Variants in NRG1 observed in about 807,000 individuals in gnomAD.
NRG1 encodes pro-neuregulin-1, membrane-bound isoform.
In NRG1, 18 loss-of-function variants were observed where a neutral mutation model predicts 63.8. That is an observed-to-expected ratio of 0.28 (90% CI 0.19 to 0.42). The LOEUF (loss-of-function observed/expected upper bound fraction) is 0.42. NRG1 is among the 10% of genes least tolerant of loss of function. The pLI, the probability that NRG1 is intolerant of heterozygous loss-of-function variation, is 1.00. For synonymous variants in NRG1, 302 were observed against 301.3 expected, an observed-to-expected ratio of 1.00 and a Z score of -0.02; for missense variants, 762 against 814.7, an observed-to-expected ratio of 0.94 and a Z score of 0.79.
At chr8:32,647,709 G>A in intron 5 of NRG1, 1 of 1,544,012 alleles carries the variant, frequency 6.5e-7, no homozygotes, top group Non-Finnish European at 8.7e-7. Context: ...TTCTTCTGGA[G>A]GTGAGCCGAT....
intron 1 of NRG1, among the ~76,000 whole-genome samples, chr8:31,882,094 T>C (rs1830389181): frequency 6.6e-6 from 1 of 152,050 alleles, no homozygotes; most frequent in Non-Finnish European, 1.5e-5. Flanking sequence ...AATAAGGAAA[T>C]GACTGACTTC....
intron 1 of NRG1, among the ~76,000 whole-genome samples, chr8:32,340,005 T>G (rs556173965): frequency 1.3e-5 from 2 of 152,242 alleles, no homozygotes; most frequent in South Asian, 4.1e-4. Context: ...GCAAGATAAC[T>G]TGACTTTCTC....
At chr8:32,491,821 T>C (rs913273745) in intron 1 of NRG1, among the ~76,000 whole-genome samples, 3 of 152,200 alleles carry the variant, frequency 2.0e-5, no homozygotes, top group Non-Finnish European at 1.5e-5. Context: ...TTGAGGTTTG[T>C]GAGGCCAAAG....
At chr8:32,159,910 A>G (rs1585735166) in intron 1 of NRG1, among the ~76,000 whole-genome samples, 1 of 152,172 alleles carries the variant, frequency 6.6e-6, no homozygotes, top group East Asian at 1.9e-4. Context: ...TGGCTAACAC[A>G]TTAGGTATTC....
chr8:32,504,003 T>G (rs1199241235), intron 1 of NRG1, among the ~76,000 whole-genome samples: 1 of 152,224 alleles, frequency 6.6e-6, no homozygotes, highest in Non-Finnish European at 1.5e-5. Context: ...ACAGTGTGTT[T>G]ACTGGACGTG....
chr8:31,640,055 C>T lies in NRG1; in HGVS notation c.37+624C>T. 2 of 1,141,892 alleles carry T rather than the reference C, an allele frequency of 1.8e-6. No individual in the cohort carries two copies. The highest frequency in any genetic ancestry group is 4.4e-5 in the East Asian group (1 of 22,824). 70.7% of individuals were successfully genotyped at this position (1,141,892 alleles called of 1,614,324 possible). A position where few individuals can be genotyped will look rare whatever the true frequency, so the allele number is the denominator to read the frequency against. On this transcript the variant is annotated intron_variant, in intron 1 of 10. Transcript: ENST00000519301. The surrounding 1 kb of genome is among the most constrained non-coding windows in gnomAD (Gnocchi z 6.3). Reference sequence around the variant, plus strand: ...CGGGCCCAGCGCCCCGGCTCCGCCGCCCGCTCGTCGCCGCCGCTGCCGCTG... The same window carrying T: ...CGGGCCCAGCGCCCCGGCTCCGCCGTCCGCTCGTCGCCGCCGCTGCCGCTG...
At chr8:31,859,140 A>G (rs773237956) in intron 1 of NRG1, among the ~76,000 whole-genome samples, 4 of 152,210 alleles carry the variant, frequency 2.6e-5, no homozygotes, top group South Asian at 4.1e-4. Flanking sequence ...TAAAACCGCA[A>G]TTACTTTTGC....
intron 1 of NRG1, among the ~76,000 whole-genome samples, chr8:32,003,308 C>G (rs939480849): frequency 6.6e-6 from 1 of 152,018 alleles, no homozygotes; most frequent in East Asian, 1.9e-4. Flanking sequence ...AGTAATTTGA[C>G]CTGAACAGCA....
At chr8:31,662,663 A>T (rs1806114221) in intron 1 of NRG1, among the ~76,000 whole-genome samples, 1 of 152,174 alleles carries the variant, frequency 6.6e-6, no homozygotes, top group African/African-American at 2.4e-5. Context: ...TACCAACTTA[A>T]TAGGTGCTAG....
chr8:31,913,983 G>T (rs956517743), intron 1 of NRG1, among the ~76,000 whole-genome samples: 1 of 152,050 alleles, frequency 6.6e-6, no homozygotes, highest in Non-Finnish European at 1.5e-5. Flanking sequence ...AACCCAAATC[G>T]AGCAGTACAT....
chr8:31,806,508 T>A (rs995477358), intron 1 of NRG1, among the ~76,000 whole-genome samples: 3 of 152,184 alleles, frequency 2.0e-5, no homozygotes, highest in African/African-American at 7.2e-5. Context: ...TGTAGAATAA[T>A]TACTTCTGCT....
chr8:32,306,432 T>C (rs1031935264), intron 1 of NRG1, among the ~76,000 whole-genome samples: 1 of 152,218 alleles, frequency 6.6e-6, no homozygotes, highest in African/African-American at 2.4e-5. Flanking sequence ...ATCAGAACTT[T>C]CTTCTTGAGT....
intron 7 of NRG1, 85 bp from the exon 8 acceptor site, chr8:32,754,287 C>T (rs1829261961): frequency 9.1e-7 from 1 of 1,096,050 alleles, no homozygotes. Context: ...TGGACAATGT[C>T]ATGCAGCATG....
chr8:31,942,997 A>G (rs1347004187), intron 1 of NRG1, among the ~76,000 whole-genome samples: 2 of 152,012 alleles, frequency 1.3e-5, no homozygotes, highest in African/African-American at 2.4e-5. Flanking sequence ...TAGATCTACC[A>G]TTTGATCCAG....
In NRG1 at chr8:31,640,746, T is replaced by G; in HGVS notation, c.37+1315T>G. 6.6e-7 allele frequency: 1 copy of G among 1,509,042 alleles called. No homozygotes were observed. The highest frequency in any genetic ancestry group is 8.9e-7 in the Non-Finnish European group (1 of 1,127,736). 93.5% of individuals were successfully genotyped at this position (1,509,042 alleles called of 1,614,324 possible). A position where few individuals can be genotyped will look rare whatever the true frequency, so the allele number is the denominator to read the frequency against. ...AGCGGTGCGGTAAGTTCCTCGCCCTTGGGGGCGCGAACCCGCGGCGAGGAG... is the reference window on the plus strand; with the variant it reads ...AGCGGTGCGGTAAGTTCCTCGCCCTGGGGGGCGCGAACCCGCGGCGAGGAG... On this transcript the variant is annotated intron_variant, in intron 1 of 10. Coordinates refer to the NRG1 transcript ENST00000519301. This position sits in a 1 kb window ranked among gnomAD's most constrained non-coding sequence, Gnocchi z 6.3.
chr8:32,680,297 A>G (rs1257887131), intron 5 of NRG1, among the ~76,000 whole-genome samples: 3 of 152,174 alleles, frequency 2.0e-5, no homozygotes. Context: ...CTGTTTGCCC[A>G]GGACAGGGAA....
chr8:32,519,855 C>T (rs1830167759), intron 1 of NRG1, among the ~76,000 whole-genome samples: 1 of 152,132 alleles, frequency 6.6e-6, no homozygotes, highest in African/African-American at 2.4e-5. Context: ...CTATACCCTT[C>T]TTTGTGCCAC....
intron 1 of NRG1, among the ~76,000 whole-genome samples, chr8:32,353,579 C>T (rs979701604): frequency 6.6e-6 from 1 of 152,156 alleles, no homozygotes; most frequent in South Asian, 2.1e-4. Context: ...CCAAAAGCCT[C>T]TGGTGTTTAG....
chr8:32,711,724 C>T (rs960799830), intron 5 of NRG1, among the ~76,000 whole-genome samples: 2 of 152,146 alleles, frequency 1.3e-5, no homozygotes, highest in Non-Finnish European at 2.9e-5. Flanking sequence ...GTTCCTCCCT[C>T]GTGACCTACC....
Sources: gnomAD v4.1 joint callset for allele counts (sites outside exome capture counted in the v4.1 genomes callset) on GRCh38, gnomAD v4.1.1 for gene constraint, Gnocchi (gnomAD v3.1) non-coding constraint, MANE v1.5 for transcripts, NCBI Gene and HGNC (gene_info 2026-07-23, HGNC 2026-07-21) for gene names.